CNTNAP2: variants seen among roughly 807,000 people sequenced by gnomAD.
The protein encoded by CNTNAP2 is contactin-associated protein-like 2.
CNTNAP2 carries 98 observed loss-of-function variants against 155.2 expected under a neutral mutation model. The observed-to-expected ratio is 0.63, with a 90% CI of 0.54 to 0.75. CNTNAP2 has a LOEUF of 0.75. Ranked by LOEUF, CNTNAP2 falls within the 30% of genes least tolerant of loss-of-function variation. The pLI is 0.00. For missense variants in CNTNAP2, 1,727 were observed against 1,688.1 expected (o/e 1.02, Z -0.40); for synonymous variants, 651 against 631.2 (o/e 1.03, Z -0.47).
chr7:147,699,232 TA>T (rs202135443), intron 13 of CNTNAP2, among the ~76,000 whole-genome samples: 6,011 of 125,152 alleles, frequency 0.048, 322 homozygotes, highest in Admixed American at 0.18. Context: ...AAAATTCTAT[TA>T]AAAAAAAAAA....
At chr7:146,864,752 G>A (rs887853453) in intron 3 of CNTNAP2, among the ~76,000 whole-genome samples, 9 of 152,004 alleles carry the variant, frequency 5.9e-5, no homozygotes, top group Admixed American at 3.3e-4. Context: ...TGCTTTGGGA[G>A]GCTGAAGTGG....
intron 15 of CNTNAP2, among the ~76,000 whole-genome samples, chr7:148,054,563 A>C (rs1013585846): frequency 6.6e-6 from 1 of 151,424 alleles, no homozygotes; most frequent in Non-Finnish European, 1.5e-5. Context: ...AGACATGCAC[A>C]TAAGCTTTAG....
intron 1 of CNTNAP2, among the ~76,000 whole-genome samples, chr7:146,532,495 G>A (rs1480434836): frequency 6.6e-6 from 1 of 151,850 alleles, no homozygotes; most frequent in Non-Finnish European, 1.5e-5. Flanking sequence ...TTATTGTATA[G>A]GACACAATTT....
intron 15 of CNTNAP2, among the ~76,000 whole-genome samples, chr7:148,029,074 A>AC (rs1802421828): frequency 6.7e-6 from 1 of 148,202 alleles, no homozygotes; most frequent in South Asian, 2.2e-4. Flanking sequence ...ATTGTGCCCT[A>AC]CCAGAATCTG....
At chr7:148,152,918 G>T (rs1805327444) in intron 17 of CNTNAP2, among the ~76,000 whole-genome samples, 1 of 150,814 alleles carries the variant, frequency 6.6e-6, no homozygotes, top group Non-Finnish European at 1.5e-5. Context: ...CTACTCGGGA[G>T]GCTGAGGCAG....
At chr7:146,786,443 T>C (rs994217720) in intron 2 of CNTNAP2, among the ~76,000 whole-genome samples, 6 of 152,204 alleles carry the variant, frequency 3.9e-5, no homozygotes, top group African/African-American at 1.4e-4. Flanking sequence ...ATTGTTCTTT[T>C]ATATGCATGC....
intron 13 of CNTNAP2, among the ~76,000 whole-genome samples, chr7:147,820,338 CT>C (rs1472599674): frequency 6.6e-6 from 1 of 151,686 alleles, no homozygotes; most frequent in Non-Finnish European, 1.5e-5. Context: ...TGTTTAATGT[CT>C]GTTTAATGTG....
At chr7:146,388,167 A>G (rs908730577) in intron 1 of CNTNAP2, among the ~76,000 whole-genome samples, 3 of 150,814 alleles carry the variant, frequency 2.0e-5, no homozygotes, top group African/African-American at 7.3e-5. Context: ...ATGAGGTCTC[A>G]CGTTGGTAAT....
chr7:146,235,331 A>G (rs981200359), intron 1 of CNTNAP2, among the ~76,000 whole-genome samples: 8 of 151,472 alleles, frequency 5.3e-5, no homozygotes, highest in African/African-American at 1.9e-4. Context: ...AAATAGATGC[A>G]AGACAGAGAA....
intron 4 of CNTNAP2, chr7:147,082,898 T>A (rs1439594435): frequency 1.3e-5 from 2 of 152,036 alleles, no homozygotes; most frequent in Non-Finnish European, 2.9e-5. Flanking sequence ...CATCTTGGGG[T>A]CAAGATGGCC....
intron 1 of CNTNAP2, among the ~76,000 whole-genome samples, chr7:146,180,540 C>T (rs1296104973): frequency 6.6e-6 from 1 of 152,034 alleles, no homozygotes; most frequent in African/African-American, 2.4e-5. Context: ...TTTGCATTAT[C>T]TCTTTTTTTA....
At chr7:147,116,534 G>T (rs183331205) in intron 5 of CNTNAP2, among the ~76,000 whole-genome samples, 108 of 152,032 alleles carry the variant, frequency 7.1e-4, no homozygotes, top group Non-Finnish European at 1.1e-3. Context: ...ACCTGCCCTG[G>T]GAAGAAGAAT....
chr7:148,063,772 G>C (rs1803203776), intron 15 of CNTNAP2, among the ~76,000 whole-genome samples: 1 of 152,006 alleles, frequency 6.6e-6, no homozygotes, highest in East Asian at 1.9e-4. Flanking sequence ...TGTTGCATTT[G>C]CTTTTGGGTT....
chr7:146,137,299 T>A (rs1394690188), intron 1 of CNTNAP2, among the ~76,000 whole-genome samples: 1 of 152,192 alleles, frequency 6.6e-6, no homozygotes, highest in Non-Finnish European at 1.5e-5. Flanking sequence ...AGTATAATTT[T>A]AAAAGTTCTT....
rs567848844 is a variant in CNTNAP2, at chr7:147,166,869, G to C, written c.1348+34360G>C. ...ACGGCCATCTGGATGTGTACATGCA[G>C]GTCACAGGGGATATGATGGCTTAGC... On this transcript the variant is annotated intron_variant, in intron 8 of 23. Coordinates refer to ENST00000361727, the MANE Select transcript of CNTNAP2 (RefSeq NM_014141.6). Among the ~76,000 whole-genome samples, 67 of 152,232 alleles carry C rather than the reference G, an allele frequency of 4.4e-4. 1 individual carries two copies. Among genetic ancestry groups the C allele is most frequent in the African/African-American group, 1.5e-3 (64 of 41,512 alleles).
intron 12 of CNTNAP2, among the ~76,000 whole-genome samples, chr7:147,593,986 T>C (rs571004856): frequency 6.6e-6 from 1 of 152,312 alleles, no homozygotes; most frequent in Non-Finnish European, 1.5e-5. Flanking sequence ...ACTGTTCTAA[T>C]ATCTGCTTTG....
At chr7:146,280,670 T>C (rs1584845311) in intron 1 of CNTNAP2, among the ~76,000 whole-genome samples, 2 of 152,314 alleles carry the variant, frequency 1.3e-5, no homozygotes, top group South Asian at 2.1e-4. Context: ...ATGCATGCTT[T>C]CACACCTCCA....
At chr7:147,525,639 G>A (rs1799305949) in intron 11 of CNTNAP2, among the ~76,000 whole-genome samples, 1 of 152,138 alleles carries the variant, frequency 6.6e-6, no homozygotes, top group Admixed American at 6.5e-5. Flanking sequence ...CTTTATTCTG[G>A]AAGATTGTGA....
intron 1 of CNTNAP2, among the ~76,000 whole-genome samples, chr7:146,719,583 A>G (rs184873037): frequency 6.6e-6 from 1 of 152,096 alleles, no homozygotes; most frequent in Non-Finnish European, 1.5e-5. Context: ...AGTTTTTTCC[A>G]TATTTTCCAT....
Sources: allele counts gnomAD v4.1 joint callset (sites outside exome capture counted in the v4.1 genomes callset), GRCh38; gene constraint gnomAD v4.1.1; transcripts MANE v1.5; gene names NCBI Gene and HGNC (gene_info 2026-07-23, HGNC 2026-07-21).